The following DUSP15 variants were observed in gnomAD, a reference collection of about 807,000 sequenced individuals.
DUSP15 encodes dual specificity phosphatase 15, also known as dual specificity protein phosphatase 15.
Under a neutral mutation model 26.3 loss-of-function variants are expected in DUSP15, and 23 were observed. The ratio of observed to expected loss-of-function variants is 0.87; its 90% CI spans 0.63 to 1.24. DUSP15 has a LOEUF of 1.24. Ranked by LOEUF, DUSP15 falls within the 50% of genes most tolerant of loss-of-function variation. The probability of loss-of-function intolerance (pLI) is 0.00; values close to 1 mark genes in which losing one functional copy is unlikely to be tolerated. For missense variants in DUSP15, 364 were observed against 320.6 expected (o/e 1.14, Z -1.03); for synonymous variants, 143 against 135.5 (o/e 1.06, Z -0.39).
At chr20:31,856,542 T>C (rs1196900932), downstream of DUSP15, among the ~76,000 whole-genome samples, 2 of 152,152 alleles carry the variant, frequency 1.3e-5, no homozygotes, top group South Asian at 2.1e-4. Flanking sequence ...AGAGACATTC[T>C]GCAGGGAGAG....
intron 5 of DUSP15, 61 bp from the exon 6 acceptor site, chr20:31,862,803 GCACCC>G (rs1394768745): frequency 6.7e-7 from 1 of 1,494,208 alleles, no homozygotes; most frequent in South Asian, 1.3e-5. Flanking sequence ...ATGCCCCCAG[GCACCC>G]CACCCTGCTT....
chr20:31,861,091 T>C lies in DUSP15; in HGVS notation c.*312A>G. ...GGACAGGCAGCTTCTTCTGTGTCTC[T>C]TTAATACCCTCCAGGCCCGTCAAAC... is the stretch of plus-strand genomic sequence containing the variant. On this transcript the variant is annotated 3_prime_UTR_variant, in exon 7 of 7. Coordinates refer to ENST00000339738, the MANE Select transcript of DUSP15 (RefSeq NM_080611.5). 1.6e-6 allele frequency: 2 copies of C among 1,227,664 alleles called. No individual in the cohort carries two copies. The highest frequency in any genetic ancestry group is 2.0e-6 in the Non-Finnish European group (2 of 984,102). The allele number at this position is 1,227,664 out of a possible 1,614,324, so 76.0% of individuals were successfully genotyped here.
Position 31,870,429 on chromosome 20 carries a change from T to C in DUSP15, c.-92A>G. 7.7e-7 allele frequency: 1 copy of C among 1,295,144 alleles called. No homozygotes were observed. Among genetic ancestry groups the C allele is most frequent in the Non-Finnish European group, 9.8e-7 (1 of 1,025,594 alleles). 80.2% of individuals were successfully genotyped at this position (1,295,144 alleles called of 1,614,324 possible). A position where few individuals can be genotyped will look rare whatever the true frequency, so the allele number is the denominator to read the frequency against. On this transcript the variant is annotated 5_prime_UTR_variant, in exon 1 of 7. Coordinates refer to ENST00000339738, the MANE Select transcript of DUSP15 (RefSeq NM_080611.5). The surrounding 1 kb of genome is among the most constrained non-coding windows in gnomAD (Gnocchi z 6.6). ...GCCCTGACGGCCCAGGCCCGACGCC[T>C]GCAGCCTGGCGGGGAACGGGGGGCC... is the stretch of plus-strand genomic sequence containing the variant.
exon 10 of DUSP15, chr20:31,848,489 G>A (rs116293399): frequency 1.1e-5 from 17 of 1,611,590 alleles, no homozygotes; most frequent in Non-Finnish European, 1.4e-5. Flanking sequence ...GTTGCCAGGG[G>A]TTGAGGACCC....
At chr20:31,870,526 ATGG>A (rs2062901530) in exon 1 of DUSP15, 8 of 1,444,972 alleles carry the variant, frequency 5.5e-6, no homozygotes, top group Non-Finnish European at 7.3e-6. This position sits in a 1 kb window ranked among gnomAD's most constrained non-coding sequence, Gnocchi z 6.6. Context: ...CGGGAGGGAA[ATGG>A]TGGTGGAGCC....
At chr20:31,849,039 C>A in intron 8 of DUSP15, 1 of 685,950 alleles carries the variant, frequency 1.5e-6, no homozygotes, top group Non-Finnish European at 2.5e-6. Flanking sequence ...TGTGCCTGTA[C>A]CCTAGGCCCA....
Position 31,870,344 on chromosome 20 carries a change from G to A in DUSP15, c.-7C>T. ...TGGTCATGCCATTGCCCATGATCCC[G>A]GGGGCGGCGGTCCGGGTGCACCCCC... On this transcript the variant is annotated 5_prime_UTR_variant, in exon 1 of 7. Transcript: ENST00000339738. This position sits in a 1 kb window ranked among gnomAD's most constrained non-coding sequence, Gnocchi z 6.6. The A allele has an allele frequency of 7.8e-7, 1 of 1,275,140 alleles. No individual in the cohort carries two copies. The highest frequency in any genetic ancestry group is 2.9e-5 in the East Asian group (1 of 34,210). 79.0% of individuals were successfully genotyped at this position (1,275,140 alleles called of 1,614,324 possible).
chr20:31,869,801 T>C, intron 1 of DUSP15: 1 of 1,437,004 alleles, frequency 7.0e-7, no homozygotes, highest in Non-Finnish European at 9.2e-7. Flanking sequence ...AGGGGGCCAG[T>C]TAACCAACCG....
chr20:31,849,705 G>A (rs1368205139), intron 8 of DUSP15: 4 of 1,535,794 alleles, frequency 2.6e-6, no homozygotes, highest in South Asian at 1.2e-5. Flanking sequence ...CCTGCAACAC[G>A]TGGGCGCTGG....
intron 4 of DUSP15, chr20:31,864,350 G>C (rs942086228): frequency 1.1e-5 from 12 of 1,059,174 alleles, no homozygotes; most frequent in Non-Finnish European, 1.4e-5. Flanking sequence ...TGGGCACAAT[G>C]ATGGGCAGCA....
At chr20:31,856,484 AG>A (rs2062564915), downstream of DUSP15, among the ~76,000 whole-genome samples, 1 of 152,208 alleles carries the variant, frequency 6.6e-6, no homozygotes, top group Admixed American at 6.5e-5. Flanking sequence ...AGGTCACTGC[AG>A]TTGTCCTGTG....
Position 31,861,189 on chromosome 20 carries a change from A to C in DUSP15, c.*214T>G. On this transcript the variant is annotated 3_prime_UTR_variant, in exon 7 of 7. Coordinates refer to ENST00000339738, the MANE Select transcript of DUSP15 (RefSeq NM_080611.5). Reference sequence around the variant, plus strand: ...CCTCCCCCAGCCCAAGGACTAAGGCACCAGGTGGCTGCAGCAGGCCGGCCC... The same window carrying C: ...CCTCCCCCAGCCCAAGGACTAAGGCCCCAGGTGGCTGCAGCAGGCCGGCCC... The C allele has an allele frequency of 3.1e-6, 4 of 1,304,046 alleles. No individual in the cohort carries two copies. Among genetic ancestry groups the C allele is most frequent in the Non-Finnish European group, 1.9e-6 (2 of 1,030,442 alleles). The allele number at this position is 1,304,046 out of a possible 1,614,324, so 80.8% of individuals were successfully genotyped here.
chr20:31,866,435 T>C (rs1321290407), intron 3 of DUSP15, among the ~76,000 whole-genome samples: 1 of 152,206 alleles, frequency 6.6e-6, no homozygotes, highest in East Asian at 1.9e-4. Flanking sequence ...CAAAGTCCTG[T>C]CCCCAAGGTC....
chr20:31,861,260 C>G lies in DUSP15; in HGVS notation c.*143G>C, dbSNP rs1335397851. On this transcript the variant is annotated 3_prime_UTR_variant, in exon 7 of 7. Coordinates refer to ENST00000339738, the MANE Select transcript of DUSP15 (RefSeq NM_080611.5). ...TGGGGACGCTGACTGCAGACGCGGA[C>G]GAGCAGGGCGGGCGCGGGAGGCAGG... 1.4e-5 allele frequency: 19 copies of G among 1,361,890 alleles called. No homozygotes were observed. The highest frequency in any genetic ancestry group is 1.6e-5 in the Non-Finnish European group (17 of 1,064,294). The allele number at this position is 1,361,890 out of a possible 1,614,324, so 84.4% of individuals were successfully genotyped here. A position where few individuals can be genotyped will look rare whatever the true frequency, so the allele number is the denominator to read the frequency against.
exon 10 of DUSP15, chr20:31,848,282 G>T: frequency 8.5e-7 from 1 of 1,174,508 alleles, no homozygotes; most frequent in Non-Finnish European, 1.2e-6. Context: ...GGAGTGGAAG[G>T]CCGCGATCCA....
rs2062893095 is a variant in DUSP15 at position 31,870,280 on chromosome 20, C to G, written c.21+37G>C. 2.0e-5 allele frequency: 25 copies of G among 1,225,710 alleles called. No individual in the cohort carries two copies. Among genetic ancestry groups the G allele is most frequent in the Non-Finnish European group, 2.4e-5 (24 of 984,302 alleles). The allele number at this position is 1,225,710 out of a possible 1,614,324, so 75.9% of individuals were successfully genotyped here. On this transcript the variant is annotated intron_variant, in intron 1 of 6. Transcript: ENST00000339738. The surrounding 1 kb of genome is among the most constrained non-coding windows in gnomAD (Gnocchi z 6.6). ...CAGCGCCGGGCCGCGGCGGCCGGGG[C>G]GGGGACCGGGGAGGCTGCGCGGGGC... is the stretch of plus-strand genomic sequence containing the variant.
At chr20:31,867,226 C>A in intron 2 of DUSP15, 73 bp from the exon 3 acceptor site, 1 of 1,361,596 alleles carries the variant, frequency 7.3e-7, no homozygotes, top group Non-Finnish European at 1.0e-6. Flanking sequence ...AGGGAGCTCA[C>A]TGCCTGCCCA....
chr20:31,849,431 GGCCT>G (rs983620307), intron 8 of DUSP15: 10 of 543,332 alleles, frequency 1.8e-5, no homozygotes, highest in Admixed American at 1.5e-4. Flanking sequence ...CATCCCCCTG[GGCCT>G]GCATTTAATG....
chr20:31,861,757 G>A (rs1380386512), intron 6 of DUSP15, 82 bp from the exon 7 acceptor site: 11 of 1,010,992 alleles, frequency 1.1e-5, no homozygotes, highest in African/African-American at 3.5e-5. Context: ...CCACCCTCCC[G>A]ACCTTCGCCC....
Sources: allele counts gnomAD v4.1 joint callset (sites outside exome capture counted in the v4.1 genomes callset), GRCh38; gene constraint gnomAD v4.1.1; non-coding constraint Gnocchi (gnomAD v3.1); transcripts MANE v1.5; gene names NCBI Gene and HGNC (gene_info 2026-07-23, HGNC 2026-07-21).